Variants in ST8SIA5 observed in about 807,000 individuals in gnomAD.
The protein encoded by ST8SIA5 is alpha-2,8-sialyltransferase 8E.
In ST8SIA5, 24 loss-of-function variants were observed where a neutral mutation model predicts 40.2. The observed-to-expected ratio is 0.60, with a 90% confidence interval of 0.43 to 0.84. The LOEUF is 0.84. Ranked by LOEUF, ST8SIA5 falls within the 40% of genes least tolerant of loss-of-function variation. The pLI, the probability that ST8SIA5 is intolerant of heterozygous loss-of-function variation, is 0.00. For missense variants in ST8SIA5, 465 were observed against 498.5 expected (o/e 0.93, Z 0.64); for synonymous variants, 198 against 201.8 (o/e 0.98, Z 0.16).
rs1192889789 is a variant in ST8SIA5, at chr18:46,688,858, G to C, written c.373C>G (p.Pro125Ala). 3 of 1,614,078 alleles carry C rather than the reference G, an allele frequency of 1.9e-6. No individual in the cohort carries two copies. The African/African-American group carries it at 4.0e-5, about 22-fold the overall frequency. ...TCATACTTGAGCTTTGTCCCCAGGG[G>C]AGTGTTCTTCTGGGTGGTGAAGAGA... is the stretch of plus-strand genomic sequence containing the variant. ...AFLFTTQKNT[P>A]LGTKLKYEVD... is the part of the protein sequence containing the mutation. The change falls in exon 4 of 7, where the codon CCC (proline) becomes GCC (alanine). Residue 125 changes from proline (P) to alanine (A), a missense_variant. Transcript: ENST00000315087.
intron 1 of ST8SIA5, among the ~76,000 whole-genome samples, chr18:46,755,717 G>A (rs2040237073): frequency 1.3e-5 from 2 of 152,032 alleles, no homozygotes; most frequent in Admixed American, 1.3e-4. Context: ...CCCAACGAGG[G>A]GTTAACTTAT....
At chr18:46,692,792 C>G (rs1475969868) in intron 2 of ST8SIA5, among the ~76,000 whole-genome samples, 1 of 151,986 alleles carries the variant, frequency 6.6e-6, no homozygotes. Flanking sequence ...GCAAGTGTGC[C>G]TTTCATGTGC....
intron 1 of ST8SIA5, among the ~76,000 whole-genome samples, chr18:46,705,068 T>G (rs1402039989): frequency 1.3e-5 from 2 of 152,246 alleles, no homozygotes; most frequent in Non-Finnish European, 2.9e-5. Flanking sequence ...ACAGTGAGCC[T>G]TCAGGCCTCC....
chr18:46,718,257 G>C (rs1032219333), intron 1 of ST8SIA5, among the ~76,000 whole-genome samples: 1 of 149,274 alleles, frequency 6.7e-6, no homozygotes, highest in Non-Finnish European at 1.5e-5. Context: ...TTGAACCCGG[G>C]AGGCGAAGGT....
At chr18:46,691,272 A>G (rs1169683038) in intron 3 of ST8SIA5, among the ~76,000 whole-genome samples, 1 of 152,236 alleles carries the variant, frequency 6.6e-6, no homozygotes, top group Non-Finnish European at 1.5e-5. Context: ...ATTTCTAAAA[A>G]TGTGCCTCTT....
At chr18:46,697,147 A>G (rs4402660) in intron 2 of ST8SIA5, among the ~76,000 whole-genome samples, 14,546 of 148,780 alleles carry the variant, frequency 0.098, 983 homozygotes, top group African/African-American at 0.18. Flanking sequence ...AAAAAAAGGT[A>G]TCATTTACAG....
rs545262742 is a variant in ST8SIA5, at chr18:46,678,899, C to T, written c.*1143G>A. ...CAGATGTGAAATGATATGTGAACCCCTCTCTGCCTAAGCCCAGCTGACTGC... is the reference window on the plus strand; with the variant it reads ...CAGATGTGAAATGATATGTGAACCCTTCTCTGCCTAAGCCCAGCTGACTGC... On this transcript the variant is annotated 3_prime_UTR_variant, in exon 7 of 7. Coordinates refer to ENST00000315087, the MANE Select transcript of ST8SIA5 (RefSeq NM_013305.6). 3 of 152,436 alleles carry T rather than the reference C, an allele frequency of 2.0e-5. No individual in the cohort carries two copies. Among genetic ancestry groups the T allele is most frequent in the African/African-American group, 7.2e-5 (3 of 41,596 alleles). 9.4% of individuals were successfully genotyped at this position (152,436 alleles called of 1,614,324 possible).
At chr18:46,697,810 A>C (rs2039571236) in intron 2 of ST8SIA5, among the ~76,000 whole-genome samples, 1 of 152,224 alleles carries the variant, frequency 6.6e-6, no homozygotes, top group Admixed American at 6.5e-5. Context: ...GAATATAAAA[A>C]GATTTGAGAG....
rs2040255228 is a variant in ST8SIA5, at chr18:46,756,816, G to A, written c.-308C>T. On this transcript the variant is annotated 5_prime_UTR_variant, in exon 1 of 7. Coordinates refer to ENST00000315087, the MANE Select transcript of ST8SIA5 (RefSeq NM_013305.6). Reference sequence around the variant, plus strand: ...GCCGGGTAGCCGCCGATTTCCCCGCGGAGGGGAGACGCCAGGTGCCACGAG... The same window carrying A: ...GCCGGGTAGCCGCCGATTTCCCCGCAGAGGGGAGACGCCAGGTGCCACGAG... 6.2e-6 allele frequency: 2 copies of A among 320,110 alleles called. No individual in the cohort carries two copies. Among genetic ancestry groups the A allele is most frequent in the South Asian group, 4.9e-5 (1 of 20,222 alleles). The allele number at this position is 320,110 out of a possible 1,614,324, so 19.8% of individuals were successfully genotyped here.
In ST8SIA5 at chr18:46,693,132, G is replaced by C. The variant is rs563844532; in HGVS notation, c.225-877C>G. On this transcript the variant is annotated intron_variant, in intron 2 of 6. Coordinates refer to ENST00000315087, the MANE Select transcript of ST8SIA5 (RefSeq NM_013305.6). Reference sequence around the variant, plus strand: ...CTGTGAGTATAACGTCTTACTTCATGATGGTCATTTTCATGTCTGCGTGTC... The same window carrying C: ...CTGTGAGTATAACGTCTTACTTCATCATGGTCATTTTCATGTCTGCGTGTC... Among the ~76,000 whole-genome samples the C allele has an allele frequency of 4.0e-5, 6 of 151,804 alleles. No individual in the cohort carries two copies. The East Asian group carries it at 5.9e-4, about 15-fold the overall frequency.
chr18:46,748,555 CAAA>C (rs71162822), intron 1 of ST8SIA5, among the ~76,000 whole-genome samples: 12 of 78,382 alleles, frequency 1.5e-4, no homozygotes, highest in South Asian at 1.1e-3. Context: ...AACTTCCTCT[CAAA>C]AAAAAAAAAA....
In ST8SIA5 at chr18:46,670,783, C is replaced by G. The variant is rs920557015; in HGVS notation, c.*9259G>C. ...TTTTTTTTTTCCAAAGACAAGCTGT[C>G]GTTGAACAAGTAAACTAGTTTTGGT... On this transcript the variant is annotated 3_prime_UTR_variant, in exon 7 of 7. Coordinates refer to ENST00000315087, the MANE Select transcript of ST8SIA5 (RefSeq NM_013305.6). The G allele has an allele frequency of 6.6e-6, 1 of 151,828 alleles. No individual in the cohort carries two copies. The highest frequency in any genetic ancestry group is 1.5e-5 in the Non-Finnish European group (1 of 67,978). 9.4% of individuals were successfully genotyped at this position (151,828 alleles called of 1,614,324 possible).
chr18:46,743,383 G>A (rs1467279651), intron 1 of ST8SIA5, among the ~76,000 whole-genome samples: 1 of 152,186 alleles, frequency 6.6e-6, no homozygotes, highest in African/African-American at 2.4e-5. Context: ...ACCTGATGGA[G>A]CTGAAAACTA....
chr18:46,691,583 T>C (rs2039505972), intron 3 of ST8SIA5: 1 of 152,956 alleles, frequency 6.5e-6, no homozygotes, highest in African/African-American at 2.4e-5. Flanking sequence ...AAAAGAATTT[T>C]TGGACATCTG....
At chr18:46,710,364 T>C (rs1163197954) in intron 1 of ST8SIA5, among the ~76,000 whole-genome samples, 38 of 5,512 alleles carry the variant, frequency 6.9e-3, no homozygotes, top group Non-Finnish European at 0.022. Flanking sequence ...CCTTCTTTCT[T>C]TTCTTTCTTT....
At chr18:46,733,541 AAACT>A (rs535690960) in intron 1 of ST8SIA5, among the ~76,000 whole-genome samples, 62 of 152,308 alleles carry the variant, frequency 4.1e-4, no homozygotes, top group African/African-American at 1.5e-3. Context: ...TGACGACAAT[AAACT>A]AACAGGCGAC....
intron 5 of ST8SIA5, among the ~76,000 whole-genome samples, chr18:46,684,550 A>C (rs2039427365): frequency 6.6e-6 from 1 of 152,182 alleles, no homozygotes; most frequent in Non-Finnish European, 1.5e-5. Flanking sequence ...TACGCAAAGT[A>C]ACACAGCTTT....
chr18:46,736,815 C>T (rs557984100), intron 1 of ST8SIA5, among the ~76,000 whole-genome samples: 1 of 152,130 alleles, frequency 6.6e-6, no homozygotes, highest in African/African-American at 2.4e-5. Context: ...CCCCGCTGAC[C>T]CAGTGTGGCA....
intron 1 of ST8SIA5, among the ~76,000 whole-genome samples, chr18:46,750,278 C>T (rs2040183912): frequency 1.3e-5 from 2 of 152,240 alleles, no homozygotes; most frequent in South Asian, 4.1e-4. Flanking sequence ...TTTAAATAAA[C>T]ATTGCCCTTT....
Sources: allele counts gnomAD v4.1 joint callset (sites outside exome capture counted in the v4.1 genomes callset), GRCh38; gene constraint gnomAD v4.1.1; transcripts MANE v1.5; gene names NCBI Gene and HGNC (gene_info 2026-07-23, HGNC 2026-07-21).